Variants in HSF5 observed in about 807,000 individuals in gnomAD.
HSF5 encodes heat shock transcription factor 5.
HSF5 carries 5 observed loss-of-function variants against 50.8 expected under a neutral mutation model. That is an observed-to-expected ratio of 0.10 (90% CI 0.05 to 0.21). The LOEUF is 0.21. Ranked by LOEUF, HSF5 falls within the 10% of genes least tolerant of loss-of-function variation. HSF5 has a pLI of 1.00. For synonymous variants in HSF5, 307 were observed against 307.4 expected, an observed-to-expected ratio of 1.00 and a Z score of 0.02; for missense variants, 564 against 762.6, an observed-to-expected ratio of 0.74 and a Z score of 3.07.
chr17:58,487,472 T>C (rs1416912751), intron 1 of HSF5, among the ~76,000 whole-genome samples: 1 of 152,166 alleles, frequency 6.6e-6, no homozygotes, highest in Non-Finnish European at 1.5e-5. Flanking sequence ...TCCCTTTTGC[T>C]GCCAGTGGGC....
chr17:58,458,528 A>G (rs769843107), intron 5 of HSF5, among the ~76,000 whole-genome samples: 1 of 152,216 alleles, frequency 6.6e-6, no homozygotes, highest in Admixed American at 6.5e-5. Flanking sequence ...TATTCTTAAT[A>G]TGTTCTATAT....
intron 1 of HSF5, among the ~76,000 whole-genome samples, chr17:58,484,368 C>G (rs1346508910): frequency 6.6e-6 from 1 of 152,128 alleles, no homozygotes; most frequent in Non-Finnish European, 1.5e-5. Context: ...AAATCAGATG[C>G]CAGATGGCCC....
intron 2 of HSF5, among the ~76,000 whole-genome samples, chr17:58,477,609 G>T (rs542586362): frequency 6.6e-6 from 1 of 151,712 alleles, no homozygotes; most frequent in Non-Finnish European, 1.5e-5. Flanking sequence ...ACAGGTGCCC[G>T]TCACCACACC....
intron 5 of HSF5, among the ~76,000 whole-genome samples, chr17:58,429,481 C>G (rs1974336638): frequency 6.6e-6 from 1 of 152,066 alleles, no homozygotes; most frequent in African/African-American, 2.4e-5. Context: ...TTGCAGTGAG[C>G]CAAGATCATA....
At chr17:58,453,438 A>G (rs2143767184) in intron 5 of HSF5, among the ~76,000 whole-genome samples, 1 of 151,906 alleles carries the variant, frequency 6.6e-6, no homozygotes, top group African/African-American at 2.4e-5. Context: ...TACTAAAAAT[A>G]CAAAAATTAG....
intron 5 of HSF5, among the ~76,000 whole-genome samples, chr17:58,457,002 C>T (rs1279684366): frequency 6.6e-6 from 1 of 151,872 alleles, no homozygotes; most frequent in African/African-American, 2.4e-5. Context: ...CTCATGCCTG[C>T]AATCCCAGCA....
At chr17:58,432,918 T>G (rs1974382832) in intron 5 of HSF5, among the ~76,000 whole-genome samples, 1 of 152,110 alleles carries the variant, frequency 6.6e-6, no homozygotes, top group African/African-American at 2.4e-5. Flanking sequence ...GCTGATAAGA[T>G]TTGCTGATGG....
chr17:58,447,040 G>A lies in HSF5; in HGVS notation c.1720+11728C>T, dbSNP rs145675948. Among the ~76,000 whole-genome samples, 1,061 of 152,218 alleles carry A rather than the reference G, an allele frequency of 7.0e-3. 8 individuals carry two copies. The highest frequency in any genetic ancestry group is 0.024 in the African/African-American group (996 of 41,510). ...CTTGGGAGGCTGAGGCAGGAGAATC[G>A]CTTGAACCTGGGAGACAGAGGTTTC... On this transcript the variant is annotated intron_variant, in intron 5 of 5. Transcript: ENST00000323777.
intron 2 of HSF5, among the ~76,000 whole-genome samples, chr17:58,469,777 C>T (rs1238556587): frequency 6.6e-6 from 1 of 152,022 alleles, no homozygotes; most frequent in Non-Finnish European, 1.5e-5. Context: ...TCAGTTGAGG[C>T]ATTAAATTCC....
chr17:58,424,514 A>G (rs932306731), intron 5 of HSF5, among the ~76,000 whole-genome samples: 3 of 151,688 alleles, frequency 2.0e-5, no homozygotes, highest in Non-Finnish European at 4.4e-5. Context: ...AGGGAGGCTG[A>G]GGCAGGAGAA....
chr17:58,426,093 C>G (rs531488206), intron 5 of HSF5, among the ~76,000 whole-genome samples: 3 of 152,056 alleles, frequency 2.0e-5, no homozygotes, highest in African/African-American at 7.2e-5. Flanking sequence ...ATGAATAGAC[C>G]CAGTTGTAAC....
At chr17:58,433,877 A>AGC (rs1258880035) in intron 5 of HSF5, among the ~76,000 whole-genome samples, 1 of 145,514 alleles carries the variant, frequency 6.9e-6, no homozygotes, top group African/African-American at 2.6e-5. Flanking sequence ...GTAGAGGAAT[A>AGC]GCTACATGGA....
chr17:58,427,990 C>T (rs1002756266), intron 5 of HSF5, among the ~76,000 whole-genome samples: 6 of 152,212 alleles, frequency 3.9e-5, no homozygotes, highest in African/African-American at 7.2e-5. Context: ...CATAAATGCA[C>T]GGCTGTGACT....
intron 5 of HSF5, among the ~76,000 whole-genome samples, chr17:58,429,922 A>G (rs1277891725): frequency 6.6e-6 from 1 of 152,110 alleles, no homozygotes; most frequent in Non-Finnish European, 1.5e-5. Context: ...TGTCAATTTG[A>G]AATGACCAGA....
rs1316300543 is a variant in HSF5, at chr17:58,488,377, C to G, written c.-103G>C. 3.0e-6 allele frequency: 4 copies of G among 1,329,796 alleles called. No individual in the cohort carries two copies. Among genetic ancestry groups the G allele is most frequent in the Non-Finnish European group, 3.8e-6 (4 of 1,047,390 alleles). The allele number at this position is 1,329,796 out of a possible 1,614,324, so 82.4% of individuals were successfully genotyped here. The stretch of plus-strand genomic sequence containing the variant: ...CGCCCTGCCCGCTCCTGCCGGCGCC[C>G]ATCCGCCGCGTACCAGGGACCGTTG... On this transcript the variant is annotated 5_prime_UTR_variant, in exon 1 of 6. The change abolishes an upstream ATG in the 5' untranslated region. Coordinates refer to ENST00000323777, the MANE Select transcript of HSF5 (RefSeq NM_001080439.3). The surrounding 1 kb of genome is among the most constrained non-coding windows in gnomAD (Gnocchi z 4.1).
chr17:58,485,235 G>A (rs537841215), intron 1 of HSF5, among the ~76,000 whole-genome samples: 15 of 151,992 alleles, frequency 9.9e-5, no homozygotes, highest in South Asian at 2.1e-4. Context: ...TTACAGGCGT[G>A]AGCCACCACG....
Position 58,488,408 on chromosome 17 carries a change from C to T in HSF5, c.-134G>A, listed in dbSNP as rs1421101958. ...CCGCGTACCAGGGACCGTTGGCGCACGAGGCCCCGCGGCGCCTCCCAGCGC... is the reference window on the plus strand; with the variant it reads ...CCGCGTACCAGGGACCGTTGGCGCATGAGGCCCCGCGGCGCCTCCCAGCGC... On this transcript the variant is annotated 5_prime_UTR_variant, in exon 1 of 6. The change creates a new upstream start codon in the 5' untranslated region. Coordinates refer to ENST00000323777, the MANE Select transcript of HSF5 (RefSeq NM_001080439.3). The surrounding 1 kb of genome is among the most constrained non-coding windows in gnomAD (Gnocchi z 4.1). 2 of 1,273,526 alleles carry T rather than the reference C, an allele frequency of 1.6e-6. No individual in the cohort carries two copies. The highest frequency in any genetic ancestry group is 2.0e-6 in the Non-Finnish European group (2 of 1,014,372). The allele number at this position is 1,273,526 out of a possible 1,614,324, so 78.9% of individuals were successfully genotyped here.
chr17:58,478,879 AAAAG>A (rs898716966), intron 2 of HSF5, among the ~76,000 whole-genome samples: 2 of 151,690 alleles, frequency 1.3e-5, no homozygotes, highest in African/African-American at 4.8e-5. Context: ...AAAAAAAAAA[AAAAG>A]AGAAGAAAAG....
chr17:58,487,605 C>T (rs1975203787), intron 1 of HSF5, 120 bp downstream of exon 1: 3 of 1,286,632 alleles, frequency 2.3e-6, no homozygotes, highest in African/African-American at 1.6e-5. Context: ...GCCAATGGGT[C>T]CCCGGCGCCT....
Sources: gnomAD v4.1 joint callset for allele counts (sites outside exome capture counted in the v4.1 genomes callset) on GRCh38, gnomAD v4.1.1 for gene constraint, Gnocchi (gnomAD v3.1) non-coding constraint, MANE v1.5 for transcripts, NCBI Gene and HGNC (gene_info 2026-07-23, HGNC 2026-07-21) for gene names.